CLIC5: variants seen among roughly 807,000 people sequenced by gnomAD.
CLIC5 encodes the protein chloride intracellular channel protein 5.
CLIC5 carries 20 observed loss-of-function variants against 24.7 expected under a neutral mutation model. The observed-to-expected ratio is 0.81, with a 90% CI of 0.57 to 1.18. The LOEUF is 1.18. Ranked by LOEUF, CLIC5 falls within the 50% of genes most tolerant of loss-of-function variation. The probability of loss-of-function intolerance (pLI) is 0.00; values close to 1 mark genes in which losing one functional copy is unlikely to be tolerated. For missense variants in CLIC5, 341 were observed against 326.1 expected, an observed-to-expected ratio of 1.05 and a Z score of -0.35; for synonymous variants, 159 against 135.6, an observed-to-expected ratio of 1.17 and a Z score of -1.20.
chr6:45,895,133 T>A (rs2127285821), downstream of CLIC5, among the ~76,000 whole-genome samples: 1 of 152,312 alleles, frequency 6.6e-6, no homozygotes, highest in East Asian at 1.9e-4. Flanking sequence ...TATAATTTAT[T>A]TTTTATTTCT....
At chr6:45,988,594 C>A (rs1765821767) in intron 1 of CLIC5, among the ~76,000 whole-genome samples, 1 of 152,166 alleles carries the variant, frequency 6.6e-6, no homozygotes, top group Non-Finnish European at 1.5e-5. Flanking sequence ...TGGCTACTTG[C>A]CATTAAAAAA....
At chr6:45,984,321 C>T (rs1765661167) in intron 1 of CLIC5, among the ~76,000 whole-genome samples, 2 of 152,164 alleles carry the variant, frequency 1.3e-5, no homozygotes, top group African/African-American at 4.8e-5. Flanking sequence ...TTCAGGTCCG[C>T]AATGCCAGTA....
the CLIC5 span, among the ~76,000 whole-genome samples, chr6:46,110,148 T>C: frequency 2.0e-5 from 3 of 152,228 alleles, no homozygotes; most frequent in Non-Finnish European, 4.4e-5. Flanking sequence ...ACATGTTCCA[T>C]ATAAATGCTA....
chr6:45,977,643 C>T (rs1482409290), intron 1 of CLIC5, among the ~76,000 whole-genome samples: 1 of 152,092 alleles, frequency 6.6e-6, no homozygotes, highest in Non-Finnish European at 1.5e-5. Context: ...TCCCCTGCCT[C>T]CCCTCCCCTC....
At chr6:46,068,954 A>T (rs1488426642) in intron 1 of CLIC5, among the ~76,000 whole-genome samples, 1 of 152,154 alleles carries the variant, frequency 6.6e-6, no homozygotes, top group South Asian at 2.1e-4. Context: ...AAACTAATAC[A>T]TTAAGGTAAG....
At chr6:45,949,217 C>T (rs1382204444) in intron 3 of CLIC5, 39 bp downstream of exon 3, 2 of 1,600,056 alleles carry the variant, frequency 1.2e-6, no homozygotes, top group Admixed American at 1.7e-5. Flanking sequence ...AGCATGAACC[C>T]TTCCCATTCA....
chr6:45,978,751 G>T (rs553418927), intron 1 of CLIC5, among the ~76,000 whole-genome samples: 1 of 152,224 alleles, frequency 6.6e-6, no homozygotes, highest in Admixed American at 6.5e-5. Context: ...GAAGTCAGGA[G>T]TCCAGCTGAC....
intron 3 of CLIC5, among the ~76,000 whole-genome samples, chr6:45,947,611 TA>T (rs1435949346): frequency 2.9e-4 from 44 of 152,338 alleles, no homozygotes; most frequent in African/African-American, 1.0e-3. Context: ...GGGAAAATGT[TA>T]ACTGCGTCAT....
intron 1 of CLIC5, among the ~76,000 whole-genome samples, chr6:46,067,493 A>G (rs979133332): frequency 6.6e-6 from 1 of 152,184 alleles, no homozygotes. Context: ...AACAGTGTTC[A>G]GTAAATCATA....
chr6:45,978,483 T>C (rs75311595), intron 1 of CLIC5, among the ~76,000 whole-genome samples: 1 of 152,320 alleles, frequency 6.6e-6, no homozygotes, highest in East Asian at 1.9e-4. Flanking sequence ...ATTAAGAACT[T>C]CTAGAACAGT....
intron 1 of CLIC5, among the ~76,000 whole-genome samples, chr6:46,055,587 A>G (rs1392140799): frequency 6.6e-6 from 1 of 152,244 alleles, no homozygotes; most frequent in Non-Finnish European, 1.5e-5. Flanking sequence ...AATAATAGTT[A>G]CTTGTAAATA....
At chr6:45,889,326 T>C (rs1249312494) in intron 6 of CLIC5, among the ~76,000 whole-genome samples, 2 of 152,124 alleles carry the variant, frequency 1.3e-5, no homozygotes, top group African/African-American at 4.8e-5. Context: ...TTAATCCTAT[T>C]CCTGAGAGCT....
At chr6:46,035,419 C>T (rs966945562) in intron 1 of CLIC5, among the ~76,000 whole-genome samples, 7 of 152,190 alleles carry the variant, frequency 4.6e-5, no homozygotes, top group Non-Finnish European at 8.8e-5. Flanking sequence ...TAATGACTCC[C>T]TGGCTATTGT....
At chr6:46,098,828 C>A in the CLIC5 span, among the ~76,000 whole-genome samples, 1 of 152,126 alleles carries the variant, frequency 6.6e-6, no homozygotes, top group Admixed American at 6.5e-5. Flanking sequence ...GAGGTTGTGC[C>A]TGGCCCAGAG....
intron 2 of CLIC5, 56 bp downstream of exon 2, chr6:45,955,079 G>A: frequency 7.4e-7 from 1 of 1,344,246 alleles, no homozygotes; most frequent in Non-Finnish European, 1.1e-6. Flanking sequence ...CTCCTTCATG[G>A]AAGGTTCTCT....
intron 5 of CLIC5, chr6:45,912,271 C>T (rs1762849787): frequency 1.0e-6 from 1 of 995,860 alleles, no homozygotes; most frequent in Non-Finnish European, 1.2e-6. Context: ...AGATAGGGGC[C>T]AAGGGCTGGC....
At chr6:45,972,345 A>T (rs1419315761) in intron 1 of CLIC5, among the ~76,000 whole-genome samples, 2 of 152,208 alleles carry the variant, frequency 1.3e-5, no homozygotes, top group Non-Finnish European at 2.9e-5. Flanking sequence ...CTCTGAAAGG[A>T]TGACATACAA....
At chr6:46,070,902 A>G (rs1762577395) in intron 1 of CLIC5, among the ~76,000 whole-genome samples, 1 of 152,088 alleles carries the variant, frequency 6.6e-6, no homozygotes, top group African/African-American at 2.4e-5. Context: ...AACAGAATAG[A>G]CAGCCCCAAA....
At chr6:46,003,081 A>G (rs1340694770) in intron 1 of CLIC5, among the ~76,000 whole-genome samples, 3 of 152,324 alleles carry the variant, frequency 2.0e-5, no homozygotes, top group Middle Eastern at 3.4e-3. Context: ...GATGGGACTC[A>G]GTCTGACCTT....
Sources: gnomAD v4.1 joint callset for allele counts (sites outside exome capture counted in the v4.1 genomes callset) on GRCh38, gnomAD v4.1.1 for gene constraint, MANE v1.5 for transcripts, NCBI Gene and HGNC (gene_info 2026-07-23, HGNC 2026-07-21) for gene names.